PTPN21: variants seen among roughly 807,000 people sequenced by gnomAD.
The protein encoded by PTPN21 is protein tyrosine phosphatase non-receptor type 21.
In PTPN21, 77 loss-of-function variants were observed where a neutral mutation model predicts 131.8. The ratio of observed to expected loss-of-function variants is 0.58; its 90% CI spans 0.49 to 0.71. The LOEUF (loss-of-function observed/expected upper bound fraction) is 0.71. Ranked by LOEUF, PTPN21 falls within the 30% of genes least tolerant of loss-of-function variation. The pLI, the probability that PTPN21 is intolerant of heterozygous loss-of-function variation, is 0.00. For synonymous variants in PTPN21, 715 were observed against 621.3 expected, an observed-to-expected ratio of 1.15 and a Z score of -2.24; for missense variants, 1,552 against 1,527.1, an observed-to-expected ratio of 1.02 and a Z score of -0.27.
chr14:88,505,389 C>G lies in PTPN21; in HGVS notation c.449-18G>C. The G allele has an allele frequency of 6.5e-7, 1 of 1,544,530 alleles. No individual in the cohort carries two copies. Among genetic ancestry groups the G allele is most frequent in the Non-Finnish European group, 8.9e-7 (1 of 1,124,134 alleles). On this transcript the variant is annotated intron_variant, in intron 4 of 18. Transcript: ENST00000556564. ...AAAATCCGCTATATAGAATGACAAA[C>G]ATTCACGTTAATTATATTTAAATTT...
chr14:88,542,166 GA>G (rs2078716381), intron 2 of PTPN21, among the ~76,000 whole-genome samples: 1 of 152,168 alleles, frequency 6.6e-6, no homozygotes, highest in Non-Finnish European at 1.5e-5. Context: ...TTCCTAATTT[GA>G]AAATGGAAAA....
At chr14:88,547,207 C>T (rs995013241) in intron 2 of PTPN21, among the ~76,000 whole-genome samples, 3 of 151,566 alleles carry the variant, frequency 2.0e-5, no homozygotes, top group Admixed American at 6.6e-5. Flanking sequence ...AATAAATAAA[C>T]CACAGTTCCT....
chr14:88,468,080 T>A lies in PTPN21; in HGVS notation c.*57A>T, dbSNP rs961470826. 2 of 1,523,762 alleles carry A rather than the reference T, an allele frequency of 1.3e-6. No homozygotes were observed. Among genetic ancestry groups the A allele is most frequent in the Admixed American group, 1.8e-5 (1 of 54,204 alleles). The allele number at this position is 1,523,762 out of a possible 1,614,324, so 94.4% of individuals were successfully genotyped here. A position where few individuals can be genotyped will look rare whatever the true frequency, so the allele number is the denominator to read the frequency against. On this transcript the variant is annotated 3_prime_UTR_variant, in exon 19 of 19. Coordinates refer to ENST00000556564, the MANE Select transcript of PTPN21 (RefSeq NM_007039.4). ...GGGAAAGTATGAGTTAGGCAAGCGC[T>A]TTTTTTTTAAGCTGTAAACGCTTCA...
At chr14:88,468,883 C>A (rs1247138581) in intron 18 of PTPN21, 33 bp downstream of exon 18, 1 of 1,613,376 alleles carries the variant, frequency 6.2e-7, no homozygotes, top group Non-Finnish European at 8.5e-7. Flanking sequence ...TCATTTCCAC[C>A]CAAAAAGGCC....
intron 3 of PTPN21, among the ~76,000 whole-genome samples, chr14:88,512,132 C>T (rs966186432): frequency 3.9e-5 from 6 of 152,206 alleles, no homozygotes; most frequent in South Asian, 2.1e-4. Flanking sequence ...ATGCCTACCA[C>T]GTTTTCTGCA....
At chr14:88,534,559 G>A (rs8017811) in intron 2 of PTPN21, among the ~76,000 whole-genome samples, 81,472 of 151,994 alleles carry the variant, frequency 0.54, 24,562 homozygotes, top group Middle Eastern at 0.7. Context: ...AAGCAAAAAC[G>A]TTATAGTAAG....
rs143571855 is a variant in PTPN21 at position 88,478,968 on chromosome 14, G to C, written c.2463C>G (p.Asp821Glu). 9.1e-4 allele frequency: 1,413 copies of C among 1,548,570 alleles called. 15 individuals are homozygous for C. In the African/African-American group the frequency reaches 0.018, roughly 19 times the overall value. The change falls in exon 13 of 19, where the codon GAC becomes GAG. Residue 821 changes from aspartate (D) to glutamate (E), a missense_variant. By Grantham distance (45) the Asp-to-Glu change is conservative. This residue lies in a region of PTPN21 where 1,016 missense variants were observed against 883.5 expected (regional missense o/e 1.15). Transcript: ENST00000556564. The part of the protein sequence containing the change: ...RDSLKKRPVS[D>E]LLSGKKNIVE... ...CGATGTTCTTCTTCCCAGAGAGAAG[G>C]TCCGACACCGGCCTTTTCTTCAGAG...
chr14:88,545,785 AC>A, intron 2 of PTPN21, among the ~76,000 whole-genome samples: 1 of 152,028 alleles, frequency 6.6e-6, no homozygotes, highest in Non-Finnish European at 1.5e-5. Flanking sequence ...ACACGGTGAA[AC>A]CCCATCTCTA....
At chr14:88,522,284 C>T (rs542956636) in intron 2 of PTPN21, among the ~76,000 whole-genome samples, 2 of 151,460 alleles carry the variant, frequency 1.3e-5, no homozygotes, top group Non-Finnish European at 2.9e-5. Context: ...AAAAATTAGC[C>T]GGGTATGATG....
At chr14:88,500,697 G>T in intron 8 of PTPN21, 86 bp downstream of exon 8, 1 of 927,294 alleles carries the variant, frequency 1.1e-6, no homozygotes, top group Non-Finnish European at 1.8e-6. Context: ...GTATAGACTT[G>T]TGAACAATTT....
chr14:88,472,152 G>A (rs1362300215), intron 15 of PTPN21, 92 bp downstream of exon 15: 11 of 744,510 alleles, frequency 1.5e-5, no homozygotes, highest in Non-Finnish European at 2.3e-5. Flanking sequence ...TAAAATATCT[G>A]AATTCTAAAC....
In PTPN21 at chr14:88,479,834, C is replaced by T. The variant is rs763057906; in HGVS notation, c.1597G>A (p.Val533Met). 3 of 1,551,284 alleles carry T rather than the reference C, an allele frequency of 1.9e-6. No homozygotes were observed. Among genetic ancestry groups the T allele is most frequent in the African/African-American group, 1.3e-5 (1 of 74,082 alleles). Residue 533 changes from valine (V) to methionine (M), a missense_variant, in exon 13 of 19, where the codon GTG (valine) becomes ATG (methionine). By Grantham distance (21) the Val-to-Met change is conservative. This residue lies in a region of PTPN21 where 1,016 missense variants were observed against 883.5 expected (regional missense o/e 1.15). Transcript: ENST00000556564. ...PYPYPAERRP[V>M]VGAVSVPELT... ...TCCGGCACGCTGACCGCGCCCACCACGGGCCGCCGCTCGGCAGGGTAGGGG... is the reference window on the plus strand; with the variant it reads ...TCCGGCACGCTGACCGCGCCCACCATGGGCCGCCGCTCGGCAGGGTAGGGG...
At chr14:88,485,712 T>C in intron 11 of PTPN21, 70 bp downstream of exon 11, 1 of 1,162,002 alleles carries the variant, frequency 8.6e-7, no homozygotes, top group Non-Finnish European at 1.3e-6. Flanking sequence ...TTAACAGCAT[T>C]GAAAGCATAT....
chr14:88,480,275 T>G lies in PTPN21; in HGVS notation c.1156A>C (p.Asn386His). ...TSLDRAQIDL[N>H]GRIRNGSVYS... ...ACACTGCCATTACGGATCCGACCGT[T>G]GAGGTCAATCTGGGCTCTATCCAAG... Residue 386 changes from asparagine (N) to histidine (H), a missense_variant, in exon 13 of 19, where the codon AAC (asparagine) becomes CAC (histidine). Around this residue, in one of 4 missense-constraint regions of PTPN21, gnomAD observed 1,016 missense variants for 883.5 expected, o/e 1.15. Transcript: ENST00000556564. The G allele has an allele frequency of 4.3e-6, 7 of 1,614,136 alleles. No homozygotes were observed. Among genetic ancestry groups the G allele is most frequent in the Non-Finnish European group, 5.9e-6 (7 of 1,180,000 alleles).
In PTPN21 at chr14:88,479,254, C is replaced by T. The variant is rs1307280181; in HGVS notation, c.2177G>A (p.Arg726Gln). ...DEDFEEESGA[R>Q]APPARAREPR... ...CTCGCGCGCACGTGCAGGAGGCGCC[C>T]GGGCCCCGCTCTCCTCCTCGAAGTC... Residue 726 changes from arginine (R) to glutamine (Q), a missense_variant, in exon 13 of 19, where the codon CGG becomes CAG. Coordinates refer to ENST00000556564, the MANE Select transcript of PTPN21 (RefSeq NM_007039.4). The T allele has an allele frequency of 2.5e-5, 40 of 1,611,096 alleles. No individual in the cohort carries two copies. The highest frequency in any genetic ancestry group is 3.1e-5 in the Non-Finnish European group (37 of 1,178,738).
At chr14:88,489,259 C>T (rs763294727) in intron 10 of PTPN21, among the ~76,000 whole-genome samples, 3 of 152,124 alleles carry the variant, frequency 2.0e-5, no homozygotes, top group Non-Finnish European at 4.4e-5. Flanking sequence ...TAAGCCTCGT[C>T]TGAATTTTGC....
In PTPN21 at chr14:88,467,968, T is replaced by C. The variant is rs139827487; in HGVS notation, c.*169A>G. On this transcript the variant is annotated 3_prime_UTR_variant, in exon 19 of 19. Transcript: ENST00000556564. ...CCAGGTTAGAAACCCCTCTTCAGCC[T>C]GTGCTTCGCACGTTTCCTTCAGCGT... 7.2e-4 allele frequency: 641 copies of C among 889,868 alleles called. 4 individuals are homozygous for C. The African/African-American group carries it at 9.9e-3, about 14-fold the overall frequency. The allele number at this position is 889,868 out of a possible 1,614,324, so 55.1% of individuals were successfully genotyped here. A position where few individuals can be genotyped will look rare whatever the true frequency, so the allele number is the denominator to read the frequency against.
At chr14:88,481,875 G>C (rs1313464374) in intron 12 of PTPN21, among the ~76,000 whole-genome samples, 1 of 152,200 alleles carries the variant, frequency 6.6e-6, no homozygotes, top group Non-Finnish European at 1.5e-5. Flanking sequence ...AATGCGACTA[G>C]TAATGGTCAA....
chr14:88,481,122 A>G, intron 12 of PTPN21, among the ~76,000 whole-genome samples: 1 of 152,188 alleles, frequency 6.6e-6, no homozygotes, highest in Non-Finnish European at 1.5e-5. Context: ...CTAACCCTAG[A>G]TGATTTCTAA....
Sources: gnomAD v4.1 joint callset for allele counts (sites outside exome capture counted in the v4.1 genomes callset) on GRCh38, gnomAD v4.1.1 for gene constraint, gnomAD v4.1.1 regional missense constraint, MANE v1.5 for transcripts, NCBI Gene and HGNC (gene_info 2026-07-23, HGNC 2026-07-21) for gene names.